The following ARAP1 variants were observed in gnomAD, a reference collection of about 807,000 sequenced individuals.
ARAP1 encodes ArfGAP with RhoGAP domain, ankyrin repeat and PH domain 1.
ARAP1 carries 76 observed loss-of-function variants against 172.2 expected under a neutral mutation model. The ratio of observed to expected loss-of-function variants is 0.44; its 90% CI spans 0.37 to 0.53. The LOEUF is 0.53. Ranked by LOEUF, ARAP1 falls within the 20% of genes least tolerant of loss-of-function variation. The probability of loss-of-function intolerance (pLI) is 0.00; values close to 1 mark genes in which losing one functional copy is unlikely to be tolerated. For missense variants in ARAP1, 1,686 were observed against 1,977.5 expected (o/e 0.85, Z 2.80); for synonymous variants, 804 against 803.3 (o/e 1.00, Z -0.01).
rs1856014235 is a variant in ARAP1, at chr11:72,693,175, G to A, written c.3954+150C>T. 2 of 1,224,268 alleles carry A rather than the reference G, an allele frequency of 1.6e-6. No homozygotes were observed. Among genetic ancestry groups the A allele is most frequent in the Admixed American group, 2.6e-5 (1 of 38,950 alleles). The allele number at this position is 1,224,268 out of a possible 1,614,324, so 75.8% of individuals were successfully genotyped here. On this transcript the variant is annotated intron_variant, in intron 29 of 34. Coordinates refer to ENST00000393609, the MANE Select transcript of ARAP1 (RefSeq NM_001040118.3). The surrounding 1 kb of genome is among the most constrained non-coding windows in gnomAD (Gnocchi z 4.6). ...GGCCGTCCAGGGCCACAGCAGGAGG[G>A]GTCTTGAGAGTCTACAGTTCTCCCC...
intron 8 of ARAP1, 117 bp from the exon 9 acceptor site, chr11:72,711,258 T>C: frequency 4.0e-6 from 6 of 1,516,660 alleles, no homozygotes; most frequent in Non-Finnish European, 5.4e-6. Flanking sequence ...CAAGACCCTG[T>C]GCTGACCCTG....
chr11:72,728,746 G>A (rs1349902703), intron 2 of ARAP1, among the ~76,000 whole-genome samples: 3 of 152,146 alleles, frequency 2.0e-5, no homozygotes, highest in Non-Finnish European at 4.4e-5. Context: ...AAACAACAGC[G>A]ATAGGAAGAA....
Position 72,693,652 on chromosome 11 carries a change from G to A in ARAP1, c.3808+40C>T. 6.4e-7 allele frequency: 1 copy of A among 1,559,396 alleles called. No homozygotes were observed. The highest frequency in any genetic ancestry group is 8.7e-7 in the Non-Finnish European group (1 of 1,149,832). The stretch of plus-strand genomic sequence containing the variant: ...GGTCCCACCCTGGCTCTGGAAGAGA[G>A]GACCACCCGGAGCCTGGCCACCCTG... On this transcript the variant is annotated intron_variant, in intron 28 of 34. Coordinates refer to ENST00000393609, the MANE Select transcript of ARAP1 (RefSeq NM_001040118.3). The surrounding 1 kb of genome is among the most constrained non-coding windows in gnomAD (Gnocchi z 4.6).
At chr11:72,732,109 C>G (rs1005367559) in intron 2 of ARAP1, among the ~76,000 whole-genome samples, 2 of 152,056 alleles carry the variant, frequency 1.3e-5, no homozygotes, top group Non-Finnish European at 2.9e-5. Context: ...AGACACTATA[C>G]CCTTCTGTAT....
intron 12 of ARAP1, among the ~76,000 whole-genome samples, chr11:72,706,596 T>C (rs1010367921): frequency 2.6e-5 from 4 of 152,200 alleles, no homozygotes; most frequent in Admixed American, 2.6e-4. Context: ...TTTTCCACCA[T>C]AGATCCTGAA....
chr11:72,698,127 G>C (rs1329974380), intron 18 of ARAP1, 21 bp from the exon 19 acceptor site: 2 of 1,566,988 alleles, frequency 1.3e-6, no homozygotes, highest in Non-Finnish European at 1.7e-6. Context: ...GGCGCCGGGG[G>C]AGACAGCATC....
In ARAP1 at chr11:72,702,912, C is replaced by T. The variant is rs754136183; in HGVS notation, c.2160G>A (p.Arg720=). The T allele has an allele frequency of 1.3e-6, 2 of 1,553,888 alleles. No individual in the cohort carries two copies. Among genetic ancestry groups the T allele is most frequent in the Non-Finnish European group, 1.7e-6 (2 of 1,148,334 alleles). The change falls in exon 15 of 35, where the codon CGG becomes CGA. Residue 720 remains arginine (R), a synonymous_variant. Coordinates refer to ENST00000393609, the MANE Select transcript of ARAP1 (RefSeq NM_001040118.3). The part of the protein sequence containing the change: ...TLQMEFLRNN[R]TTEVPRLDSM... Reference sequence around the variant, plus strand: ...ACCCTCTGCCACGCTCACCTGTGGTCCGGTTGTTCCGAAGGAATTCCATCT... The same window carrying T: ...ACCCTCTGCCACGCTCACCTGTGGTTCGGTTGTTCCGAAGGAATTCCATCT...
At chr11:72,687,541 C>A (rs972747081) in intron 32 of ARAP1, 39 bp from the exon 33 acceptor site, 1 of 1,614,094 alleles carries the variant, frequency 6.2e-7, no homozygotes, top group Non-Finnish European at 8.5e-7. Flanking sequence ...TGCCAAAGGC[C>A]TGACTGAGCA....
In ARAP1 at chr11:72,726,418, G is replaced by A. The variant is rs900542149; in HGVS notation, c.509+202C>T. ...TCACTGGCACACGCCCAGCAGCCCA[G>A]GCACTGCGCTGAGTACCTGCACAGC... On this transcript the variant is annotated intron_variant, in intron 3 of 34. Coordinates refer to ENST00000393609, the MANE Select transcript of ARAP1 (RefSeq NM_001040118.3). The surrounding 1 kb of genome is among the most constrained non-coding windows in gnomAD (Gnocchi z 6.5). Among the ~76,000 whole-genome samples, 1 of 152,166 alleles carries A rather than the reference G, an allele frequency of 6.6e-6. No individual in the cohort carries two copies. The highest frequency in any genetic ancestry group is 1.5e-5 in the Non-Finnish European group (1 of 68,028).
chr11:72,703,415 G>GGGGGGGGGGGGGGGGC (rs71469439), intron 14 of ARAP1: 2 of 145,216 alleles, frequency 1.4e-5, no homozygotes, highest in African/African-American at 2.9e-5. Flanking sequence ...AGCCGGGGGG[G>GGGGGGGGGGGGGGGGC]GGGTGTGCTT....
chr11:72,714,168 G>A lies in ARAP1; in HGVS notation c.663C>T (p.Arg221=). Residue 221 remains arginine, a synonymous_variant, in exon 4 of 35, where the codon CGC becomes CGT. Coordinates refer to ENST00000393609, the MANE Select transcript of ARAP1 (RefSeq NM_001040118.3). ...AGCACTCACCGAACTCTGGGAACAG[G>A]CGTACCGGCTTTGGAGGTATCTCCG... ...CPPEIPPKPV[R]LFPEFDDSDY... is the part of the protein sequence containing the mutation. 1.3e-6 allele frequency: 2 copies of A among 1,502,270 alleles called. No homozygotes were observed. Among genetic ancestry groups the A allele is most frequent in the Non-Finnish European group, 1.8e-6 (2 of 1,132,080 alleles). 93.1% of individuals were successfully genotyped at this position (1,502,270 alleles called of 1,614,324 possible). A position where few individuals can be genotyped will look rare whatever the true frequency, so the allele number is the denominator to read the frequency against.
chr11:72,718,699 C>T (rs1857389101), intron 3 of ARAP1, among the ~76,000 whole-genome samples: 1 of 152,086 alleles, frequency 6.6e-6, no homozygotes, highest in Admixed American at 6.5e-5. Context: ...GTTGGTTCAC[C>T]CCAGCCTGGG....
intron 7 of ARAP1, 64 bp downstream of exon 7, chr11:72,712,132 G>T: frequency 6.7e-7 from 1 of 1,496,058 alleles, no homozygotes; most frequent in Admixed American, 2.3e-5. Context: ...GTGTCCTGGG[G>T]TCCTGGACAC....
At chr11:72,716,627 T>C (rs910303729) in intron 3 of ARAP1, among the ~76,000 whole-genome samples, 2 of 152,270 alleles carry the variant, frequency 1.3e-5, no homozygotes, top group African/African-American at 4.8e-5. Flanking sequence ...GCCACACCTG[T>C]GGGGATGTTA....
At chr11:72,747,981 T>C (rs1055859050) in intron 1 of ARAP1, among the ~76,000 whole-genome samples, 1 of 152,182 alleles carries the variant, frequency 6.6e-6, no homozygotes, top group African/African-American at 2.4e-5. Context: ...CCAGTGCTTG[T>C]GGTTTTCACT....
intron 1 of ARAP1, among the ~76,000 whole-genome samples, chr11:72,739,999 T>C (rs1858153401): frequency 6.6e-6 from 1 of 152,140 alleles, no homozygotes; most frequent in Admixed American, 6.5e-5. Context: ...CAGCTCCCCT[T>C]GGGGACTGTG....
At chr11:72,688,089 T>C (rs34142547) in intron 31 of ARAP1, among the ~76,000 whole-genome samples, 73,594 of 151,674 alleles carry the variant, frequency 0.49, 18,258 homozygotes, top group Middle Eastern at 0.66. Flanking sequence ...AGCCCAAACT[T>C]CGGGACTCAA....
chr11:72,711,960 T>G (rs1213537558), intron 7 of ARAP1, among the ~76,000 whole-genome samples: 1 of 152,146 alleles, frequency 6.6e-6, no homozygotes, highest in Non-Finnish European at 1.5e-5. Flanking sequence ...GTATCTCAAG[T>G]GCAGAGATTA....
At chr11:72,701,555 C>G in intron 16 of ARAP1, 94 bp downstream of exon 16, 1 of 1,495,272 alleles carries the variant, frequency 6.7e-7, no homozygotes, top group Non-Finnish European at 8.9e-7. Flanking sequence ...GGTGACTCTG[C>G]CAGAGTCCAC....
Sources: gnomAD v4.1 joint callset for allele counts (sites outside exome capture counted in the v4.1 genomes callset) on GRCh38, gnomAD v4.1.1 for gene constraint, Gnocchi (gnomAD v3.1) non-coding constraint, MANE v1.5 for transcripts, NCBI Gene and HGNC (gene_info 2026-07-23, HGNC 2026-07-21) for gene names.